The following CYP2C19 variants were observed in gnomAD, a reference collection of about 807,000 sequenced individuals.
CYP2C19 encodes the protein cytochrome P450 family 2 subfamily C member 19.
A neutral mutation model predicts 40.9 loss-of-function variants in CYP2C19; 59 were observed. That is an observed-to-expected ratio of 1.44 (90% CI 1.17 to 1.79). The LOEUF (loss-of-function observed/expected upper bound fraction) is 1.79. CYP2C19 is among the 40% of genes most tolerant of loss of function. The pLI is 0.00. For missense variants in CYP2C19, 754 were observed against 596.9 expected, an observed-to-expected ratio of 1.26 and a Z score of -2.74; for synonymous variants, 253 against 208.7, an observed-to-expected ratio of 1.21 and a Z score of -1.83.
At chr10:94,797,924 A>T (rs1044812522) in intron 5 of CYP2C19, among the ~76,000 whole-genome samples, 2 of 151,728 alleles carry the variant, frequency 1.3e-5, no homozygotes, top group Non-Finnish European at 2.9e-5. Context: ...AGTTTTGTTG[A>T]TCTTTTCAAA....
chr10:94,843,693 CT>C (rs1238327509), intron 7 of CYP2C19, among the ~76,000 whole-genome samples: 4 of 152,152 alleles, frequency 2.6e-5, no homozygotes, highest in Non-Finnish European at 5.9e-5. Flanking sequence ...GAACAGTACA[CT>C]GTATCTGTGT....
At chr10:94,832,822 G>A (rs1251414336) in intron 6 of CYP2C19, among the ~76,000 whole-genome samples, 1 of 151,910 alleles carries the variant, frequency 6.6e-6, no homozygotes, top group Non-Finnish European at 1.5e-5. Context: ...ATTTGATGGG[G>A]ATTTTATTGA....
rs533349086 is a variant in CYP2C19 at position 94,845,450 on chromosome 10, G to A, written c.1149+2426G>A. On this transcript the variant is annotated intron_variant, in intron 7 of 8. Coordinates refer to ENST00000371321, the MANE Select transcript of CYP2C19 (RefSeq NM_000769.4). Reference sequence around the variant, plus strand: ...GTGGCAGGATGGACTTGTGCAGAGAGTATTGTTTATTGATGCCCAATATAA... The same window carrying A: ...GTGGCAGGATGGACTTGTGCAGAGAATATTGTTTATTGATGCCCAATATAA... Among the ~76,000 whole-genome samples the A allele has an allele frequency of 5.9e-5, 9 of 152,308 alleles. No homozygotes were observed. In the East Asian group the frequency reaches 7.7e-4, roughly 13 times the overall value.
chr10:94,839,989 T>TAAA, intron 6 of CYP2C19, among the ~76,000 whole-genome samples: 1 of 152,112 alleles, frequency 6.6e-6, no homozygotes, highest in African/African-American at 2.4e-5. Flanking sequence ...TGCTTTTTTT[T>TAAA]ATTTTTTTTT....
intron 5 of CYP2C19, among the ~76,000 whole-genome samples, chr10:94,790,636 A>G (rs1256082430): frequency 6.6e-6 from 1 of 152,020 alleles, no homozygotes; most frequent in East Asian, 1.9e-4. Context: ...TGTTTATATG[A>G]TGGATTACGT....
At chr10:94,818,813 A>G (rs576365351) in intron 5 of CYP2C19, among the ~76,000 whole-genome samples, 1 of 151,328 alleles carries the variant, frequency 6.6e-6, no homozygotes, top group East Asian at 1.9e-4. Context: ...GGTTTTCTAG[A>G]TAAACAATCA....
chr10:94,784,577 C>T (rs962216540), intron 5 of CYP2C19, among the ~76,000 whole-genome samples: 4 of 151,868 alleles, frequency 2.6e-5, no homozygotes, highest in Admixed American at 6.6e-5. Flanking sequence ...TTTATTAAAG[C>T]CCTCCTAGTG....
chr10:94,771,943 C>A (rs888083515), intron 1 of CYP2C19, among the ~76,000 whole-genome samples: 1 of 152,050 alleles, frequency 6.6e-6, no homozygotes, highest in African/African-American at 2.4e-5. Flanking sequence ...AAACGTGTAC[C>A]CCTGCCTGTC....
chr10:94,779,233 T>C (rs1589348452), intron 3 of CYP2C19, among the ~76,000 whole-genome samples: 1 of 152,290 alleles, frequency 6.6e-6, no homozygotes, highest in Non-Finnish European at 1.5e-5. Context: ...TATACCTATG[T>C]AACAAATCTG....
rs538775735 is a variant in CYP2C19 at position 94,814,382 on chromosome 10, TG to T, written c.820-6113del. 3.3e-5 allele frequency among the ~76,000 whole-genome samples: 5 copies of T among 152,286 alleles called. No individual in the cohort carries two copies. The South Asian group carries it at 1.0e-3, about 32-fold the overall frequency. On this transcript the variant is annotated intron_variant, in intron 5 of 8. Coordinates refer to ENST00000371321, the MANE Select transcript of CYP2C19 (RefSeq NM_000769.4). ...TGCCATATTTCTTTATTTTTCATGT[TG>T]TGTCCCTGAATTTATGTCTATGCAT...
chr10:94,826,252 A>G (rs2134273345), intron 6 of CYP2C19, among the ~76,000 whole-genome samples: 1 of 152,104 alleles, frequency 6.6e-6, no homozygotes, highest in African/African-American at 2.4e-5. Flanking sequence ...CTTGGGCAGT[A>G]TGGCCATTTT....
chr10:94,800,122 C>T (rs183368377), intron 5 of CYP2C19, among the ~76,000 whole-genome samples: 1 of 152,294 alleles, frequency 6.6e-6, no homozygotes, highest in East Asian at 1.9e-4. Context: ...GCTCTGGTCT[C>T]TCCCCATCTT....
chr10:94,762,701 C>T lies in CYP2C19; in HGVS notation c.-5C>T. 1 of 1,612,790 alleles carries T rather than the reference C, an allele frequency of 6.2e-7. No individual in the cohort carries two copies. The highest frequency in any genetic ancestry group is 8.5e-7 in the Non-Finnish European group (1 of 1,179,432). ...CGGTTGTCTTAACAAGAGGAGAAGG[C>T]TTCAATGGATCCTTTTGTGGTCCTT... is the stretch of plus-strand genomic sequence containing the variant. On this transcript the variant is annotated 5_prime_UTR_variant, in exon 1 of 9. Coordinates refer to ENST00000371321, the MANE Select transcript of CYP2C19 (RefSeq NM_000769.4).
chr10:94,778,516 A>G (rs553738519), intron 3 of CYP2C19, among the ~76,000 whole-genome samples: 2 of 152,336 alleles, frequency 1.3e-5, no homozygotes, highest in Non-Finnish European at 2.9e-5. Flanking sequence ...ACATATGAAA[A>G]AAAGCTCATC....
intron 5 of CYP2C19, among the ~76,000 whole-genome samples, chr10:94,788,999 C>T (rs1848575197): frequency 6.6e-6 from 1 of 152,156 alleles, no homozygotes; most frequent in South Asian, 2.1e-4. Flanking sequence ...CATATCCTTT[C>T]CAACATCTGT....
chr10:94,841,959 G>T (rs1462440952), intron 6 of CYP2C19, among the ~76,000 whole-genome samples: 4 of 152,184 alleles, frequency 2.6e-5, no homozygotes, highest in Non-Finnish European at 2.9e-5. Context: ...AAAAGAATGT[G>T]TATCTGTAGC....
At chr10:94,794,529 C>T (rs1240312467) in intron 5 of CYP2C19, among the ~76,000 whole-genome samples, 1 of 152,134 alleles carries the variant, frequency 6.6e-6, no homozygotes, top group Non-Finnish European at 1.5e-5. Context: ...TATTCCTATC[C>T]AAGAGCATGG....
chr10:94,814,467 T>C (rs1848971287), intron 5 of CYP2C19, among the ~76,000 whole-genome samples: 1 of 151,470 alleles, frequency 6.6e-6, no homozygotes, highest in South Asian at 2.1e-4. Context: ...GAAAGACTTT[T>C]ATCTGAAGTT....
intron 3 of CYP2C19, 46 bp from the exon 4 acceptor site, chr10:94,780,453 A>G: frequency 1.9e-6 from 3 of 1,603,550 alleles, no homozygotes; most frequent in East Asian, 2.2e-5. Context: ...GAAGTGTTTT[A>G]TATCTAATGT....
Sources: allele counts gnomAD v4.1 joint callset (sites outside exome capture counted in the v4.1 genomes callset), GRCh38; gene constraint gnomAD v4.1.1; transcripts MANE v1.5; gene names NCBI Gene and HGNC (gene_info 2026-07-23, HGNC 2026-07-21).